The following TRAF3 variants were observed in gnomAD, a reference collection of about 807,000 sequenced individuals.
TRAF3 encodes the protein TNF receptor associated factor 3, also known as TNF receptor-associated factor 3.
TRAF3 carries 13 observed loss-of-function variants against 62.3 expected under a neutral mutation model. The ratio of observed to expected loss-of-function variants is 0.21; its 90% CI spans 0.14 to 0.33. The LOEUF (loss-of-function observed/expected upper bound fraction) is 0.33, where lower values mean the gene tolerates loss of function less well. TRAF3 is among the 10% of genes least tolerant of loss of function. TRAF3 has a pLI of 1.00. For missense variants in TRAF3, 440 were observed against 741.8 expected, an observed-to-expected ratio of 0.59 and a Z score of 4.73; for synonymous variants, 269 against 283.4, an observed-to-expected ratio of 0.95 and a Z score of 0.51.
At chr14:102,871,219 C>T (rs1888325229) in intron 3 of TRAF3, among the ~76,000 whole-genome samples, 1 of 152,246 alleles carries the variant, frequency 6.6e-6, no homozygotes, top group African/African-American at 2.4e-5. Context: ...GCCCCCTGCC[C>T]TGTCACCTGC....
rs1890609829 is a variant in TRAF3, at chr14:102,906,868, CGTT to C, written c.*1087_*1089del. ...TGCCGTCAACGGTCTCCGAAAGCAA[CGTT>C]GTGCGTAGAGCTGGTGGCATACGGC... On this transcript the variant is annotated 3_prime_UTR_variant, in exon 12 of 12. Coordinates refer to ENST00000392745, the MANE Select transcript of TRAF3 (RefSeq NM_145725.3). 1 of 152,254 alleles carries C rather than the reference CGTT, an allele frequency of 6.6e-6. No individual in the cohort carries two copies. Among genetic ancestry groups the C allele is most frequent in the South Asian group, 2.1e-4 (1 of 4,824 alleles). The allele number at this position is 152,254 out of a possible 1,614,324, so 9.4% of individuals were successfully genotyped here. A position where few individuals can be genotyped will look rare whatever the true frequency, so the allele number is the denominator to read the frequency against.
intron 2 of TRAF3, among the ~76,000 whole-genome samples, chr14:102,842,084 A>G (rs1168040360): frequency 6.6e-6 from 1 of 151,834 alleles, no homozygotes; most frequent in African/African-American, 2.4e-5. Flanking sequence ...GTCTCTACTG[A>G]AAATACAAAA....
intron 1 of TRAF3, among the ~76,000 whole-genome samples, chr14:102,787,244 A>T (rs903543117): frequency 2.0e-5 from 3 of 152,210 alleles, no homozygotes; most frequent in Non-Finnish European, 2.9e-5. Context: ...ATGTCTAGAA[A>T]CTGAAATCAC....
At position 102,825,551 on chromosome 14, in the gene TRAF3, T is replaced by C. The variant is rs149792035; in HGVS notation, c.-156-4783T>C. On this transcript the variant is annotated intron_variant, in intron 1 of 11. Transcript: ENST00000392745. Reference sequence around the variant, plus strand: ...GGCTGTTCCAGGAGGCACAAGAGTGTTGGTGTGGGACCTTCCCACTGCTCG... The same window carrying C: ...GGCTGTTCCAGGAGGCACAAGAGTGCTGGTGTGGGACCTTCCCACTGCTCG... 5.5e-3 allele frequency among the ~76,000 whole-genome samples: 844 copies of C among 152,316 alleles called. 6 individuals are homozygous for C. Among genetic ancestry groups the C allele is most frequent in the African/African-American group, 0.019 (773 of 41,570 alleles).
At chr14:102,845,851 A>G (rs1886674608) in intron 2 of TRAF3, among the ~76,000 whole-genome samples, 1 of 151,730 alleles carries the variant, frequency 6.6e-6, no homozygotes, top group Non-Finnish European at 1.5e-5. Flanking sequence ...GTGGTGGCAC[A>G]TGCTTGTAAT....
At chr14:102,801,058 C>T (rs367772816) in intron 1 of TRAF3, among the ~76,000 whole-genome samples, 41 of 152,208 alleles carry the variant, frequency 2.7e-4, no homozygotes, top group Middle Eastern at 3.4e-3. Context: ...CCCAGCTACT[C>T]GGGAGGCTGA....
At chr14:102,811,731 GTGTGTGT>G (rs1899171069) in intron 1 of TRAF3, among the ~76,000 whole-genome samples, 1 of 1,350 alleles carries the variant, frequency 7.4e-4, no homozygotes, top group Non-Finnish European at 8.8e-3. Flanking sequence ...CAGCAGTAGT[GTGTGTGT>G]GTGTGTGTGT....
In TRAF3 at chr14:102,841,765, A is replaced by G. The variant is rs117209593; in HGVS notation, c.-18+11293A>G. ...AGGAAATGTGATATTAACCAGGAAG[A>G]AAATCAAGAGAAACAGAACCCAGAA... is the stretch of plus-strand genomic sequence containing the variant. On this transcript the variant is annotated intron_variant, in intron 2 of 11. Transcript: ENST00000392745. 6.2e-4 allele frequency among the ~76,000 whole-genome samples: 94 copies of G among 152,366 alleles called. 1 individual carries two copies. In the East Asian group the frequency reaches 0.01, roughly 16 times the overall value.
intron 8 of TRAF3, among the ~76,000 whole-genome samples, chr14:102,890,149 G>A (rs1889630431): frequency 6.6e-6 from 1 of 152,236 alleles, no homozygotes. Flanking sequence ...ACACCTCCCC[G>A]AGAACAGTGT....
chr14:102,869,663 A>G (rs908338422), intron 2 of TRAF3, among the ~76,000 whole-genome samples: 3 of 151,784 alleles, frequency 2.0e-5, no homozygotes, highest in Non-Finnish European at 4.4e-5. Flanking sequence ...AAAATTAGCC[A>G]GGTGTGGTGG....
chr14:102,777,733 C>CGCCTCCATCCCG lies in TRAF3; in HGVS notation c.-157+59_-157+60insCCTCCATCCCGG, dbSNP rs1897073089. 7 of 144,152 alleles carry CGCCTCCATCCCG rather than the reference C, an allele frequency of 4.9e-5. No homozygotes were observed. In the South Asian group the frequency reaches 6.3e-4, roughly 13 times the overall value. 8.9% of individuals were successfully genotyped at this position (144,152 alleles called of 1,614,324 possible). A position where few individuals can be genotyped will look rare whatever the true frequency, so the allele number is the denominator to read the frequency against. ...GCGCGCGGCCGGGCGCCTCCATCCC[C>CGCCTCCATCCCG]GTCGCCTCCATCCCGCGCCCTGGGC... On this transcript the variant is annotated intron_variant, in intron 1 of 11. Transcript: ENST00000392745.
chr14:102,892,204 C>T (rs746975998), intron 9 of TRAF3, among the ~76,000 whole-genome samples: 16 of 152,036 alleles, frequency 1.1e-4, no homozygotes, highest in East Asian at 1.9e-4. Flanking sequence ...ATTACAGGTG[C>T]GCACCACCAC....
At chr14:102,844,088 A>G (rs1886548865) in intron 2 of TRAF3, among the ~76,000 whole-genome samples, 1 of 152,270 alleles carries the variant, frequency 6.6e-6, no homozygotes, top group South Asian at 2.1e-4. Context: ...AAAAATGTTT[A>G]GATTTAAACA....
chr14:102,905,232 G>T lies in TRAF3; in HGVS notation c.1155G>T (p.Leu385=). The T allele has an allele frequency of 6.2e-7, 1 of 1,613,854 alleles. No individual in the cohort carries two copies. Among genetic ancestry groups the T allele is most frequent in the Non-Finnish European group, 8.5e-7 (1 of 1,180,046 alleles). ...TGGCAGGCCTGCTGGAGTCCCAGCT[G>T]AGCCGGCATGACCAGATGCTGAGTG... ...ARNTGLLESQ[L]SRHDQMLSVH... The change falls in exon 12 of 12, where the codon CTG becomes CTT. Residue 385 remains leucine (L), a synonymous_variant. Coordinates refer to ENST00000392745, the MANE Select transcript of TRAF3 (RefSeq NM_145725.3).
chr14:102,870,970 G>A (rs1236344589), intron 3 of TRAF3, among the ~76,000 whole-genome samples: 3 of 152,240 alleles, frequency 2.0e-5, no homozygotes, highest in Non-Finnish European at 4.4e-5. Flanking sequence ...GGTACCGCTG[G>A]TGGATCATGA....
At chr14:102,862,055 T>C (rs1029749666) in intron 2 of TRAF3, among the ~76,000 whole-genome samples, 4 of 152,252 alleles carry the variant, frequency 2.6e-5, no homozygotes, top group Admixed American at 6.5e-5. Context: ...TTTTGATGAA[T>C]GAAGTTCAGT....
Position 102,820,354 on chromosome 14 carries a change from C to G in TRAF3, c.-156-9980C>G, listed in dbSNP as rs1012217799. On this transcript the variant is annotated intron_variant, in intron 1 of 11. Transcript: ENST00000392745. ...CAGGAGCGCTGCCCTCACTTCCTAACCTTCTGCACTTGGGTGCCGGGGCCC... is the reference window on the plus strand; with the variant it reads ...CAGGAGCGCTGCCCTCACTTCCTAAGCTTCTGCACTTGGGTGCCGGGGCCC... Among the ~76,000 whole-genome samples the G allele has an allele frequency of 3.0e-4, 46 of 152,076 alleles. 2 individuals are homozygous for G. The highest frequency in any genetic ancestry group is 6.8e-3 in the Middle Eastern group (2 of 294).
chr14:102,861,256 A>G (rs1887660790), intron 2 of TRAF3, among the ~76,000 whole-genome samples: 1 of 152,186 alleles, frequency 6.6e-6, no homozygotes, highest in Non-Finnish European at 1.5e-5. Flanking sequence ...CACAGCCATC[A>G]GCAAAGAGTG....
rs368024781 is a variant in TRAF3, at chr14:102,825,680, G to A, written c.-156-4654G>A. 5.3e-5 allele frequency among the ~76,000 whole-genome samples: 8 copies of A among 152,380 alleles called. No homozygotes were observed. In the East Asian group the frequency reaches 1.2e-3, roughly 22 times the overall value. On this transcript the variant is annotated intron_variant, in intron 1 of 11. Coordinates refer to ENST00000392745, the MANE Select transcript of TRAF3 (RefSeq NM_145725.3). ...AATGGGGGAAGAGTCATCCTGCAGC[G>A]CTGCCACCACTGGAGGCTGGTGAGA...
Sources: gnomAD v4.1 joint callset for allele counts (sites outside exome capture counted in the v4.1 genomes callset) on GRCh38, gnomAD v4.1.1 for gene constraint, MANE v1.5 for transcripts, NCBI Gene and HGNC (gene_info 2026-07-23, HGNC 2026-07-21) for gene names.